TSPEAR: variants seen among roughly 807,000 people sequenced by gnomAD.
TSPEAR encodes the protein thrombospondin type laminin G domain and EAR repeats.
A neutral mutation model predicts 71.6 loss-of-function variants in TSPEAR; 69 were observed. That is an observed-to-expected ratio of 0.96 (90% CI 0.79 to 1.18). The LOEUF (loss-of-function observed/expected upper bound fraction) is 1.18, where lower values mean the gene tolerates loss of function less well. Among genes scored for constraint, TSPEAR ranks in the 50% most tolerant of loss-of-function variants. TSPEAR has a pLI of 0.00. For synonymous variants in TSPEAR, 402 were observed against 387.2 expected (o/e 1.04, Z -0.45); for missense variants, 971 against 894.9 (o/e 1.09, Z -1.09).
In TSPEAR at chr21:44,612,684, C is replaced by T. The variant is rs782110329; in HGVS notation, c.83-44679G>A. 21 of 1,613,956 alleles carry T rather than the reference C, an allele frequency of 1.3e-5. No homozygotes were observed. Among genetic ancestry groups the T allele is most frequent in the Non-Finnish European group, 1.7e-5 (20 of 1,179,992 alleles). ...TGCTGCCAGAAGTCTAGCTGCCAGC[C>T]GGCTTGCTGCACCACCTCCTGCTGC... On this transcript the variant is annotated intron_variant, in intron 1 of 11. Coordinates refer to ENST00000323084, the MANE Select transcript of TSPEAR (RefSeq NM_144991.3). This position sits in a 1 kb window ranked among gnomAD's most constrained non-coding sequence, Gnocchi z 4.1.
chr21:44,582,988 A>G (rs1370237096), intron 1 of TSPEAR, among the ~76,000 whole-genome samples: 2 of 65,996 alleles, frequency 3.0e-5, no homozygotes, highest in Admixed American at 1.9e-4. Flanking sequence ...ACATCCAGCT[A>G]TTTTTCTTTC....
chr21:44,707,452 C>A (rs1308621030), intron 1 of TSPEAR, among the ~76,000 whole-genome samples: 2 of 152,152 alleles, frequency 1.3e-5, no homozygotes, highest in African/African-American at 4.8e-5. Context: ...TCGGGGCCCT[C>A]GTGTGCGGCT....
intron 9 of TSPEAR, chr21:44,518,229 C>CA (rs1555913741): frequency 2.3e-6 from 1 of 436,950 alleles, no homozygotes; most frequent in Non-Finnish European, 4.6e-6. Flanking sequence ...CAGTTTCTTT[C>CA]AGCCTTTTTC....
At position 44,698,714 on chromosome 21, in the gene TSPEAR, C is replaced by T. The variant is rs782582169; in HGVS notation, c.82+12719G>A. On this transcript the variant is annotated intron_variant, in intron 1 of 11. Transcript: ENST00000323084. ...GTCCTCACAGGGAGATTCAGAGTCC[C>T]GGGACAAGCGTCCAGGCTCAGCTGC... is the stretch of plus-strand genomic sequence containing the variant. 9.2e-5 allele frequency among the ~76,000 whole-genome samples: 14 copies of T among 152,324 alleles called. 1 individual carries two copies. In the East Asian group the frequency reaches 1.5e-3, roughly 17 times the overall value.
At chr21:44,570,402 G>A (rs1406953102) in intron 1 of TSPEAR, among the ~76,000 whole-genome samples, 3 of 152,196 alleles carry the variant, frequency 2.0e-5, no homozygotes, top group African/African-American at 2.4e-5. Flanking sequence ...GCTGGGTGGG[G>A]GCCTCTGGAT....
At chr21:44,598,628 C>T (rs1157596994) in intron 1 of TSPEAR, among the ~76,000 whole-genome samples, 2 of 152,188 alleles carry the variant, frequency 1.3e-5, no homozygotes, top group Non-Finnish European at 2.9e-5. Flanking sequence ...CCGCCGCTTC[C>T]AAAACAATGC....
intron 2 of TSPEAR, chr21:44,539,162 G>C (rs1172582933): frequency 1.4e-6 from 2 of 1,382,522 alleles, no homozygotes; most frequent in Non-Finnish European, 9.5e-7. Flanking sequence ...GGAGCAAGGA[G>C]GGGGGGTCAC....
intron 1 of TSPEAR, chr21:44,627,843 C>A: frequency 1.2e-6 from 2 of 1,614,028 alleles, no homozygotes; most frequent in Non-Finnish European, 1.7e-6. Context: ...CCACCTCCTG[C>A]TGCAGACCCT....
rs1429551862 is a variant in TSPEAR, at chr21:44,507,000, T to C, written c.1755-2119A>G. 6.6e-6 allele frequency: 1 copy of C among 152,142 alleles called. No homozygotes were observed. Among genetic ancestry groups the C allele is most frequent in the East Asian group, 1.9e-4 (1 of 5,188 alleles). 9.4% of individuals were successfully genotyped at this position (152,142 alleles called of 1,614,324 possible). ...TGGCAAATGCCCATCATCGGACAAA[T>C]GGACGGATGAAGTGTGACTCAGCCA... On this transcript the variant is annotated intron_variant, in intron 10 of 11. Transcript: ENST00000323084. This position sits in a 1 kb window ranked among gnomAD's most constrained non-coding sequence, Gnocchi z 4.2.
intron 1 of TSPEAR, among the ~76,000 whole-genome samples, chr21:44,602,830 C>T (rs1320555685): frequency 2.6e-5 from 4 of 152,174 alleles, no homozygotes; most frequent in South Asian, 2.1e-4. Flanking sequence ...CCCCTGGACT[C>T]GGCCCCAGGA....
intron 1 of TSPEAR, among the ~76,000 whole-genome samples, chr21:44,706,135 C>A (rs1987901392): frequency 6.6e-6 from 1 of 152,242 alleles, no homozygotes; most frequent in South Asian, 2.1e-4. Context: ...CAGGTCCCCC[C>A]AGACCCTTCC....
Position 44,680,073 on chromosome 21 carries a change from C to T in TSPEAR, c.82+31360G>A, listed in dbSNP as rs8132905. ...AAACTGAAAAGCTCTGCACAGCAAA[C>T]GGAACAATCAACAGAGTGAAGAGAC... On this transcript the variant is annotated intron_variant, in intron 1 of 11. Coordinates refer to ENST00000323084, the MANE Select transcript of TSPEAR (RefSeq NM_144991.3). Among the ~76,000 whole-genome samples the T allele has an allele frequency of 3.7e-3, 557 of 152,102 alleles. 2 individuals carry two copies. The highest frequency in any genetic ancestry group is 0.012 in the African/African-American group (504 of 41,484).
chr21:44,643,519 C>T (rs587670977), intron 1 of TSPEAR, among the ~76,000 whole-genome samples: 52 of 152,228 alleles, frequency 3.4e-4, no homozygotes, highest in Admixed American at 6.5e-4. Flanking sequence ...ATGTTGTATA[C>T]CTTGAATTTA....
chr21:44,587,509 TCA>T (rs1218966017), intron 1 of TSPEAR, among the ~76,000 whole-genome samples: 1 of 152,094 alleles, frequency 6.6e-6, no homozygotes, highest in African/African-American at 2.4e-5. Context: ...CCATCATTCA[TCA>T]CAGAGTTACA....
At chr21:44,657,827 T>C (rs1247377879) in intron 1 of TSPEAR, 5 of 712,466 alleles carry the variant, frequency 7.0e-6, no homozygotes, top group Non-Finnish European at 1.2e-5. Flanking sequence ...GAAAATAAGA[T>C]GTTGGGAAAC....
chr21:44,556,869 G>A (rs1179817227), intron 2 of TSPEAR, among the ~76,000 whole-genome samples: 8 of 152,152 alleles, frequency 5.3e-5, no homozygotes, highest in African/African-American at 1.9e-4. Context: ...AAAGACAGGG[G>A]TCTTTGCCCT....
At chr21:44,505,554 ACCCCCTCCCCCCT>A (rs2052174235) in intron 10 of TSPEAR, among the ~76,000 whole-genome samples, 1 of 7,032 alleles carries the variant, frequency 1.4e-4, no homozygotes, top group South Asian at 0.016. Context: ...AGTAAACATC[ACCCCCTCCCCCCT>A]CCCCCCCCCC....
Position 44,672,057 on chromosome 21 carries a change from T to TA in TSPEAR, c.82+39375dup, listed in dbSNP as rs587772333. On this transcript the variant is annotated intron_variant, in intron 1 of 11. Transcript: ENST00000323084. ...GAAATGAATAATTCAATACATGAAATAAAAAATCCATTTGAGAGCTTCAAC... is the reference window on the plus strand; with the variant it reads ...GAAATGAATAATTCAATACATGAAATAAAAAAATCCATTTGAGAGCTTCAAC... 5.6e-4 allele frequency among the ~76,000 whole-genome samples: 85 copies of TA among 151,524 alleles called. 1 individual carries two copies. Among genetic ancestry groups the TA allele is most frequent in the African/African-American group, 2.0e-3 (82 of 41,270 alleles).
At chr21:44,561,467 C>G (rs1381307506) in intron 2 of TSPEAR, among the ~76,000 whole-genome samples, 2 of 152,148 alleles carry the variant, frequency 1.3e-5, no homozygotes, top group Non-Finnish European at 2.9e-5. Context: ...AGGGACTCCT[C>G]CCTAACTGAT....
Sources: allele counts gnomAD v4.1 joint callset (sites outside exome capture counted in the v4.1 genomes callset), GRCh38; gene constraint gnomAD v4.1.1; non-coding constraint Gnocchi (gnomAD v3.1); transcripts MANE v1.5; gene names NCBI Gene and HGNC (gene_info 2026-07-23, HGNC 2026-07-21).